Variants in CSMD1 observed in about 807,000 individuals in gnomAD.
CSMD1 encodes the protein CUB and sushi domain-containing protein 1.
A neutral mutation model predicts 417.5 loss-of-function variants in CSMD1; 213 were observed. The observed-to-expected ratio is 0.51, with a 90% CI of 0.46 to 0.57. The LOEUF (loss-of-function observed/expected upper bound fraction) is 0.57, where lower values mean the gene tolerates loss of function less well. Among genes scored for constraint, CSMD1 ranks in the 20% least tolerant of loss-of-function variants. The pLI, the probability that CSMD1 is intolerant of heterozygous loss-of-function variation, is 0.00. For synonymous variants in CSMD1, 2,862 were observed against 1,736.8 expected (o/e 1.65, Z -16.11); for missense variants, 6,923 against 4,529.7 (o/e 1.53, Z -15.17).
chr8:3,404,270 G>A (rs1226880654), intron 15 of CSMD1, among the ~76,000 whole-genome samples: 2 of 151,960 alleles, frequency 1.3e-5, no homozygotes, highest in Admixed American at 6.6e-5. Context: ...GGGAGGCGGA[G>A]GTTGCAGTGA....
At chr8:4,274,545 T>C (rs1200956559) in intron 3 of CSMD1, among the ~76,000 whole-genome samples, 1 of 152,162 alleles carries the variant, frequency 6.6e-6, no homozygotes, top group Non-Finnish European at 1.5e-5. Context: ...GTAAGAGGTC[T>C]GTGTTTATAG....
chr8:4,429,914 C>G (rs1438202), intron 2 of CSMD1, among the ~76,000 whole-genome samples: 57,555 of 151,674 alleles, frequency 0.38, 11,116 homozygotes, highest in South Asian at 0.44. Flanking sequence ...CTTGGGGATT[C>G]AATCAGTGGT....
chr8:4,092,372 G>C (rs1023197208), intron 3 of CSMD1, among the ~76,000 whole-genome samples: 1 of 152,108 alleles, frequency 6.6e-6, no homozygotes, highest in Non-Finnish European at 1.5e-5. Context: ...AGCCACCAGG[G>C]CTGCTGTGCT....
At chr8:4,624,816 G>C (rs1361142432) in intron 2 of CSMD1, among the ~76,000 whole-genome samples, 1 of 152,132 alleles carries the variant, frequency 6.6e-6, no homozygotes, top group Non-Finnish European at 1.5e-5. Flanking sequence ...GACCCACACA[G>C]ACCTCAGAGT....
chr8:3,189,069 C>T (rs1796262314), intron 34 of CSMD1, 58 bp from the exon 35 acceptor site: 2 of 1,504,426 alleles, frequency 1.3e-6, no homozygotes, highest in East Asian at 4.7e-5. Context: ...GTTGATTTGG[C>T]ATGCAGTTTT....
At chr8:3,716,517 G>A (rs114453210) in intron 6 of CSMD1, among the ~76,000 whole-genome samples, 2 of 152,204 alleles carry the variant, frequency 1.3e-5, no homozygotes, top group East Asian at 1.9e-4. Context: ...TGGTGCTGAT[G>A]TGAGTGCAGC....
intron 1 of CSMD1, among the ~76,000 whole-genome samples, chr8:4,954,307 T>C (rs946306347): frequency 6.6e-6 from 1 of 152,214 alleles, no homozygotes; most frequent in African/African-American, 2.4e-5. Flanking sequence ...TAACAGGTTT[T>C]AAATAAAGGA....
chr8:4,469,939 C>G (rs931433721), intron 2 of CSMD1, among the ~76,000 whole-genome samples: 1 of 149,426 alleles, frequency 6.7e-6, no homozygotes, highest in African/African-American at 2.5e-5. Context: ...GTGATCTCGG[C>G]TCACTGCAAG....
intron 10 of CSMD1, among the ~76,000 whole-genome samples, chr8:3,500,355 G>A (rs929396930): frequency 1.2e-4 from 18 of 152,244 alleles, no homozygotes; most frequent in East Asian, 5.8e-4. Context: ...TAGATGGTAC[G>A]TCAAGCCACT....
chr8:4,235,544 G>A (rs909531143), intron 3 of CSMD1, among the ~76,000 whole-genome samples: 4 of 151,990 alleles, frequency 2.6e-5, no homozygotes, highest in Admixed American at 2.0e-4. Context: ...TACTCAAAGT[G>A]CTCCGAATAT....
chr8:4,742,981 G>A (rs542757094), intron 1 of CSMD1, among the ~76,000 whole-genome samples: 3 of 152,130 alleles, frequency 2.0e-5, no homozygotes, highest in Non-Finnish European at 4.4e-5. Context: ...GAGAAACATG[G>A]TCAACTGTCA....
intron 3 of CSMD1, among the ~76,000 whole-genome samples, chr8:4,278,394 T>C (rs756478761): frequency 1.4e-4 from 21 of 152,202 alleles, no homozygotes; most frequent in Non-Finnish European, 2.6e-4. Context: ...CTATACAGAA[T>C]ATGAATACAT....
intron 12 of CSMD1, among the ~76,000 whole-genome samples, chr8:3,426,058 G>GAAATATTCTGTGAAA (rs1407389267): frequency 5.9e-5 from 9 of 152,280 alleles, no homozygotes; most frequent in African/African-American, 2.2e-4. Context: ...AAATATTCTT[G>GAAATATTCTGTGAAA]ATAATCTGTG....
chr8:2,939,076 C>T (rs1009904787), intron 69 of CSMD1, among the ~76,000 whole-genome samples: 2 of 152,222 alleles, frequency 1.3e-5, no homozygotes, highest in Non-Finnish European at 2.9e-5. Flanking sequence ...GCGATCCTCC[C>T]ACCTCAGCCT....
At chr8:3,545,590 T>C (rs1221805113) in intron 10 of CSMD1, among the ~76,000 whole-genome samples, 7 of 152,154 alleles carry the variant, frequency 4.6e-5, no homozygotes, top group Non-Finnish European at 1.0e-4. Flanking sequence ...TGAAGGCTAC[T>C]TATCATGGGC....
chr8:3,678,062 G>A (rs535039533), intron 7 of CSMD1, among the ~76,000 whole-genome samples: 1 of 152,238 alleles, frequency 6.6e-6, no homozygotes, highest in African/African-American at 2.4e-5. Context: ...GTGGTTCAAA[G>A]ATGGCTGAAT....
At chr8:3,536,184 C>A (rs772121450) in intron 10 of CSMD1, among the ~76,000 whole-genome samples, 1 of 152,178 alleles carries the variant, frequency 6.6e-6, no homozygotes, top group Non-Finnish European at 1.5e-5. Context: ...TTTCAGCAGA[C>A]GTATCCAGAG....
intron 3 of CSMD1, among the ~76,000 whole-genome samples, chr8:4,106,793 G>C (rs1013427639): frequency 6.6e-6 from 1 of 152,058 alleles, no homozygotes; most frequent in Non-Finnish European, 1.5e-5. Flanking sequence ...TGACGGCGAT[G>C]GTCTGGGAGA....
intron 1 of CSMD1, among the ~76,000 whole-genome samples, chr8:4,794,982 A>T (rs1797894778): frequency 6.8e-6 from 1 of 146,634 alleles, no homozygotes; most frequent in Non-Finnish European, 1.5e-5. Flanking sequence ...GAGAAGAGAA[A>T]GAATGGTGCC....
Sources: allele counts gnomAD v4.1 joint callset (sites outside exome capture counted in the v4.1 genomes callset), GRCh38; gene constraint gnomAD v4.1.1; transcripts MANE v1.5; gene names NCBI Gene and HGNC (gene_info 2026-07-23, HGNC 2026-07-21).